The following COL28A1 variants were observed in gnomAD, a reference collection of about 807,000 sequenced individuals.
The protein encoded by COL28A1 is collagen type XXVIII alpha 1 chain.
In COL28A1, 161 loss-of-function variants were observed where a neutral mutation model predicts 150.2. The observed-to-expected ratio is 1.07, with a 90% CI of 0.94 to 1.22. COL28A1 has a LOEUF of 1.22. Ranked by LOEUF, COL28A1 falls within the 50% of genes most tolerant of loss-of-function variation. COL28A1 has a pLI of 0.00. For synonymous variants in COL28A1, 552 were observed against 469.7 expected, an observed-to-expected ratio of 1.18 and a Z score of -2.26; for missense variants, 1,617 against 1,388.3, an observed-to-expected ratio of 1.16 and a Z score of -2.62.
At chr7:7,422,861 T>C (rs1017072922) in intron 25 of COL28A1, among the ~76,000 whole-genome samples, 2 of 152,048 alleles carry the variant, frequency 1.3e-5, no homozygotes, top group Non-Finnish European at 2.9e-5. Flanking sequence ...CACAACACCA[T>C]GAGGATATCA....
Position 7,471,706 on chromosome 7 carries a change from T to C in COL28A1, c.1302+2895A>G, listed in dbSNP as rs184927534. Among the ~76,000 whole-genome samples, 708 of 152,090 alleles carry C rather than the reference T, an allele frequency of 4.7e-3. 5 individuals are homozygous for C. Among genetic ancestry groups the C allele is most frequent in the East Asian group, 0.022 (114 of 5,150 alleles). On this transcript the variant is annotated intron_variant, in intron 15 of 34. Transcript: ENST00000399429. ...GGTCAGAAGTTTGAGACCAGCCTGG[T>C]CAACATGATGAAACCCCATCTCTAC...
chr7:7,389,543 A>C (rs944598581), intron 27 of COL28A1, among the ~76,000 whole-genome samples: 2 of 152,122 alleles, frequency 1.3e-5, no homozygotes, highest in African/African-American at 2.4e-5. Flanking sequence ...GGAAGTCAAT[A>C]GTAGCTTGAT....
At chr7:7,456,750 C>A (rs1006382335) in intron 15 of COL28A1, among the ~76,000 whole-genome samples, 1 of 152,134 alleles carries the variant, frequency 6.6e-6, no homozygotes, top group African/African-American at 2.4e-5. Flanking sequence ...ACAACAGTGA[C>A]CAAAACAGCT....
rs961207509 is a variant in COL28A1 at position 7,376,568 on chromosome 7, C to T, written c.2323-1071G>A. On this transcript the variant is annotated intron_variant, in intron 30 of 34. Coordinates refer to ENST00000399429, the MANE Select transcript of COL28A1 (RefSeq NM_001037763.3). ...AGTCTTCTTTTTTTCTAGGCCTTGT[C>T]ATGCTTTTCCGCATTTAAAAAGGCA... is the stretch of plus-strand genomic sequence containing the variant. Among the ~76,000 whole-genome samples, 12 of 152,012 alleles carry T rather than the reference C, an allele frequency of 7.9e-5. No homozygotes were observed. In the East Asian group the frequency reaches 2.3e-3, roughly 29 times the overall value.
At chr7:7,418,195 G>T (rs543060691) in intron 26 of COL28A1, among the ~76,000 whole-genome samples, 1 of 152,322 alleles carries the variant, frequency 6.6e-6, no homozygotes, top group South Asian at 2.1e-4. Flanking sequence ...GAGGCCCAGG[G>T]CCTCATCTGC....
chr7:7,536,460 G>C (rs115332627), upstream of COL28A1, among the ~76,000 whole-genome samples: 982 of 152,138 alleles, frequency 6.5e-3, 8 homozygotes, highest in African/African-American at 0.023. Flanking sequence ...AGATGTGTTC[G>C]AACTGTAACA....
At chr7:7,341,899 A>G in the COL28A1 span, among the ~76,000 whole-genome samples, 1 of 152,102 alleles carries the variant, frequency 6.6e-6, no homozygotes, top group African/African-American at 2.4e-5. Context: ...TCATTTATAC[A>G]TGAAGAGAAT....
At chr7:7,340,036 G>A in the COL28A1 span, among the ~76,000 whole-genome samples, 5 of 152,026 alleles carry the variant, frequency 3.3e-5, no homozygotes, top group African/African-American at 4.8e-5. Flanking sequence ...TATTTCCCAG[G>A]CTGGAGTACA....
At chr7:7,462,862 A>C (rs955472439) in intron 15 of COL28A1, among the ~76,000 whole-genome samples, 6 of 89,366 alleles carry the variant, frequency 6.7e-5, no homozygotes, top group Non-Finnish European at 1.2e-4. Context: ...ACTCCATCTC[A>C]AAAAAAAAAA....
chr7:7,353,055 T>C (rs1395677673), downstream of COL28A1, among the ~76,000 whole-genome samples: 5 of 152,140 alleles, frequency 3.3e-5, no homozygotes, highest in East Asian at 1.9e-4. Context: ...ATCAGCCAGA[T>C]CCCCATGGAA....
At chr7:7,482,238 T>C (rs181080493) in intron 13 of COL28A1, among the ~76,000 whole-genome samples, 5 of 152,256 alleles carry the variant, frequency 3.3e-5, no homozygotes, top group African/African-American at 1.2e-4. Flanking sequence ...AAAATTCACA[T>C]TGTTGGCTGA....
chr7:7,452,511 G>T, intron 17 of COL28A1, 124 bp from the exon 18 acceptor site: 1 of 1,351,282 alleles, frequency 7.4e-7, no homozygotes, highest in Non-Finnish European at 9.6e-7. Flanking sequence ...CATATATATT[G>T]CCTGAAATCC....
rs753078391 is a variant in COL28A1, at chr7:7,370,845, C to T, written c.2946G>A (p.Glu982=). Residue 982 remains glutamate, a synonymous_variant, in exon 33 of 35, where the codon GAG becomes GAA. Coordinates refer to ENST00000399429, the MANE Select transcript of COL28A1 (RefSeq NM_001037763.3). ...LKQKLFQKIC[E]DFDSYLVQIF... Reference sequence around the variant, plus strand: ...TTTGAACGAGATAGGAATCAAAATCCTCACAAATTTTTTGAAACAATTTTT... The same window carrying T: ...TTTGAACGAGATAGGAATCAAAATCTTCACAAATTTTTTGAAACAATTTTT... 1.2e-6 allele frequency: 2 copies of T among 1,612,266 alleles called. No homozygotes were observed. The highest frequency in any genetic ancestry group is 1.1e-5 in the South Asian group (1 of 90,584).
chr7:7,513,848 T>C (rs1781280923), intron 8 of COL28A1, among the ~76,000 whole-genome samples: 1 of 152,232 alleles, frequency 6.6e-6, no homozygotes, highest in Non-Finnish European at 1.5e-5. Flanking sequence ...TATTTGCCTC[T>C]GCAAAGGCGT....
At chr7:7,341,217 T>C in the COL28A1 span, among the ~76,000 whole-genome samples, 3 of 152,234 alleles carry the variant, frequency 2.0e-5, no homozygotes, top group Non-Finnish European at 4.4e-5. Flanking sequence ...GCCCGATCTC[T>C]TTTTTTCCTC....
the COL28A1 span, among the ~76,000 whole-genome samples, chr7:7,338,304 TATTA>T: frequency 6.6e-6 from 1 of 152,258 alleles, no homozygotes; most frequent in Admixed American, 6.5e-5. Context: ...GTTTTAGCAA[TATTA>T]ATTCTTTTAA....
At chr7:7,451,145 A>C (rs1336076227) in intron 18 of COL28A1, among the ~76,000 whole-genome samples, 3 of 152,182 alleles carry the variant, frequency 2.0e-5, no homozygotes, top group Non-Finnish European at 4.4e-5. Context: ...GTGTGGTAAA[A>C]CATTAACATT....
intron 30 of COL28A1, among the ~76,000 whole-genome samples, chr7:7,379,563 G>A (rs17167090): frequency 0.022 from 3,284 of 152,146 alleles, 141 homozygotes; most frequent in African/African-American, 0.076. Flanking sequence ...TCAGTTCCAA[G>A]AAGTAGCCTC....
chr7:7,426,298 T>TC (rs1183687607), intron 25 of COL28A1, among the ~76,000 whole-genome samples: 1 of 152,164 alleles, frequency 6.6e-6, no homozygotes, highest in Admixed American at 6.5e-5. Context: ...ATATAACTAC[T>TC]CCAACTACCA....
Sources: gnomAD v4.1 joint callset for allele counts (sites outside exome capture counted in the v4.1 genomes callset) on GRCh38, gnomAD v4.1.1 for gene constraint, MANE v1.5 for transcripts, NCBI Gene and HGNC (gene_info 2026-07-23, HGNC 2026-07-21) for gene names.